APBA2: variants seen among roughly 807,000 people sequenced by gnomAD.
APBA2 encodes the protein amyloid beta precursor protein binding family A member 2.
A neutral mutation model predicts 75.0 loss-of-function variants in APBA2; 30 were observed. The observed-to-expected ratio is 0.40, with a 90% CI of 0.30 to 0.54. The LOEUF is 0.54. Among genes scored for constraint, APBA2 ranks in the 20% least tolerant of loss-of-function variants. The pLI, the probability that APBA2 is intolerant of heterozygous loss-of-function variation, is 0.49. For synonymous variants in APBA2, 444 were observed against 409.6 expected (o/e 1.08, Z -1.01); for missense variants, 801 against 1,016.1 (o/e 0.79, Z 2.88).
At chr15:29,073,022 C>T (rs185900815) in intron 4 of APBA2, among the ~76,000 whole-genome samples, 1 of 152,356 alleles carries the variant, frequency 6.6e-6, no homozygotes, top group African/African-American at 2.4e-5. Context: ...CCGGTGGTGT[C>T]TGTGATCCTG....
chr15:29,038,754 A>G (rs1262465083), intron 3 of APBA2, among the ~76,000 whole-genome samples: 2 of 146,718 alleles, frequency 1.4e-5, no homozygotes, highest in Non-Finnish European at 3.0e-5. Flanking sequence ...GCTCGCTGCA[A>G]CCTCCACCTC....
intron 2 of APBA2, among the ~76,000 whole-genome samples, chr15:28,925,845 T>G (rs1378756154): frequency 6.6e-6 from 1 of 152,190 alleles, no homozygotes; most frequent in Non-Finnish European, 1.5e-5. Context: ...CCCCATATAT[T>G]TCAATTATCT....
chr15:28,887,150 T>C (rs778261171), intron 1 of APBA2, among the ~76,000 whole-genome samples: 1 of 152,226 alleles, frequency 6.6e-6, no homozygotes, highest in Non-Finnish European at 1.5e-5. Context: ...TCTATTCAGA[T>C]ACGACCTGGC....
At chr15:29,095,747 A>G (rs1030639482) in intron 8 of APBA2, among the ~76,000 whole-genome samples, 1 of 152,232 alleles carries the variant, frequency 6.6e-6, no homozygotes, top group African/African-American at 2.4e-5. Flanking sequence ...CCTTTTGCCC[A>G]GCAGCGTCTC....
rs141924495 is a variant in APBA2 at position 28,903,171 on chromosome 15, A to G, written c.-205+16893A>G. Among the ~76,000 whole-genome samples, 1,341 of 152,270 alleles carry G rather than the reference A, an allele frequency of 8.8e-3. 30 individuals carry two copies. Among genetic ancestry groups the G allele is most frequent in the African/African-American group, 0.031 (1,287 of 41,552 alleles). ...TGTCCCTGGCCTCTGGCTTTATCTT[A>G]TGTTCACTAGAAAAGAAGAATATGT... On this transcript the variant is annotated intron_variant, in intron 1 of 14. Coordinates refer to ENST00000683413, the MANE Select transcript of APBA2 (RefSeq NM_001353788.2).
intron 9 of APBA2, among the ~76,000 whole-genome samples, chr15:29,099,902 TGAAGGAGA>T (rs1461953430): frequency 3.9e-5 from 6 of 152,324 alleles, no homozygotes. Context: ...CTGGATCCTG[TGAAGGAGA>T]GATGAGAAAT....
intron 9 of APBA2, 105 bp downstream of exon 9, chr15:29,098,681 C>G: frequency 1.0e-6 from 1 of 967,188 alleles, no homozygotes; most frequent in Non-Finnish European, 1.6e-6. Context: ...CTCCTGTGCT[C>G]TCTGCGCCCA....
intron 2 of APBA2, among the ~76,000 whole-genome samples, chr15:28,978,705 C>T (rs2037467680): frequency 6.6e-6 from 1 of 152,224 alleles, no homozygotes; most frequent in African/African-American, 2.4e-5. Context: ...TGTCCCTTCA[C>T]AGTAATCCGG....
intron 2 of APBA2, among the ~76,000 whole-genome samples, chr15:28,925,843 A>G (rs2034230186): frequency 6.6e-6 from 1 of 152,130 alleles, no homozygotes; most frequent in African/African-American, 2.4e-5. Flanking sequence ...TGCCCCATAT[A>G]TTTCAATTAT....
intron 1 of APBA2, among the ~76,000 whole-genome samples, chr15:28,889,631 A>G (rs1462739414): frequency 6.6e-6 from 1 of 152,052 alleles, no homozygotes; most frequent in Non-Finnish European, 1.5e-5. Flanking sequence ...ATCTTGGCGC[A>G]TGTCCATCCT....
intron 6 of APBA2, among the ~76,000 whole-genome samples, chr15:29,081,162 G>A (rs745698619): frequency 6.6e-6 from 1 of 152,186 alleles, no homozygotes; most frequent in Non-Finnish European, 1.5e-5. Flanking sequence ...CATGGGATCT[G>A]AGACTTAGTT....
chr15:29,058,805 G>A (rs1047251008), intron 4 of APBA2, among the ~76,000 whole-genome samples: 4 of 152,238 alleles, frequency 2.6e-5, no homozygotes, highest in Non-Finnish European at 4.4e-5. Flanking sequence ...AGCACTGCAA[G>A]TTTACTGAGG....
At chr15:28,999,072 T>TG (rs2038701828) in intron 3 of APBA2, among the ~76,000 whole-genome samples, 3 of 150,152 alleles carry the variant, frequency 2.0e-5, no homozygotes, top group African/African-American at 4.9e-5. Flanking sequence ...TGCTTGAACC[T>TG]GGGGGGCGGA....
At position 29,027,502 on chromosome 15, in the gene APBA2, T is replaced by A. The variant is rs142291200; in HGVS notation, c.-40-26343T>A. Among the ~76,000 whole-genome samples, 258 of 151,690 alleles carry A rather than the reference T, an allele frequency of 1.7e-3. 1 individual carries two copies. The highest frequency in any genetic ancestry group is 5.9e-3 in the African/African-American group (243 of 41,286). On this transcript the variant is annotated intron_variant, in intron 3 of 14. Transcript: ENST00000683413. ...GCTTTTCAGTTCTAATGTTTGTGTT[T>A]TCTTTCTTTTTCTTGATTTGTCTTA...
At chr15:28,888,078 C>G (rs1265505103) in intron 1 of APBA2, among the ~76,000 whole-genome samples, 2 of 152,132 alleles carry the variant, frequency 1.3e-5, no homozygotes, top group Non-Finnish European at 2.9e-5. Flanking sequence ...CTCTGACACC[C>G]TAGACTCAAG....
At chr15:29,093,460 GA>G (rs2043687200) in intron 7 of APBA2, among the ~76,000 whole-genome samples, 1 of 152,214 alleles carries the variant, frequency 6.6e-6, no homozygotes, top group South Asian at 2.1e-4. Context: ...CCAGAAATAC[GA>G]CCTTTAAAGA....
chr15:29,104,099 C>T (rs1567017152), intron 10 of APBA2, among the ~76,000 whole-genome samples: 2 of 152,268 alleles, frequency 1.3e-5, no homozygotes, highest in Non-Finnish European at 2.9e-5. Context: ...CCCAGCTTGT[C>T]TTTCCCAATG....
intron 3 of APBA2, among the ~76,000 whole-genome samples, chr15:29,032,089 A>G (rs1381579533): frequency 2.0e-5 from 3 of 152,248 alleles, no homozygotes; most frequent in East Asian, 3.9e-4. Context: ...TGACACCTCC[A>G]TGAGAAAAGG....
At chr15:28,946,280 G>T (rs1222385748) in intron 2 of APBA2, among the ~76,000 whole-genome samples, 3 of 152,220 alleles carry the variant, frequency 2.0e-5, no homozygotes, top group African/African-American at 7.2e-5. Context: ...GAGATGGAGA[G>T]ATTATTCTGG....
Sources: allele counts gnomAD v4.1 joint callset (sites outside exome capture counted in the v4.1 genomes callset), GRCh38; gene constraint gnomAD v4.1.1; transcripts MANE v1.5; gene names NCBI Gene and HGNC (gene_info 2026-07-23, HGNC 2026-07-21).